C1orf21: variants seen among roughly 807,000 people sequenced by gnomAD.
C1orf21 encodes uncharacterized protein C1orf21.
A neutral mutation model predicts 18.7 loss-of-function variants in C1orf21; 3 were observed. The observed-to-expected ratio is 0.16, with a 90% CI of 0.07 to 0.42. C1orf21 has a LOEUF of 0.42. Ranked by LOEUF, C1orf21 falls within the 10% of genes least tolerant of loss-of-function variation. The pLI is 0.99. For synonymous variants in C1orf21, 41 were observed against 46.4 expected, an observed-to-expected ratio of 0.88 and a Z score of 0.47; for missense variants, 104 against 143.6, an observed-to-expected ratio of 0.72 and a Z score of 1.41.
At chr1:184,403,001 A>G (rs1398792691) in intron 1 of C1orf21, among the ~76,000 whole-genome samples, 1 of 152,218 alleles carries the variant, frequency 6.6e-6, no homozygotes, top group Non-Finnish European at 1.5e-5. Flanking sequence ...AGCAGAATAA[A>G]GGAGTAGGGC....
At chr1:184,574,698 G>A (rs940920155) in intron 3 of C1orf21, among the ~76,000 whole-genome samples, 1 of 152,186 alleles carries the variant, frequency 6.6e-6, no homozygotes, top group African/African-American at 2.4e-5. Flanking sequence ...GCAGGACCTA[G>A]GGCGTGAAAA....
intron 1 of C1orf21, among the ~76,000 whole-genome samples, chr1:184,455,534 A>G (rs1657185584): frequency 6.6e-6 from 1 of 151,804 alleles, no homozygotes; most frequent in African/African-American, 2.4e-5. Flanking sequence ...CAAATCAGGG[A>G]CTCTCCTTTT....
intron 2 of C1orf21, 95 bp from the exon 3 acceptor site, chr1:184,507,493 G>A (rs1658081324): frequency 9.8e-7 from 1 of 1,024,302 alleles, no homozygotes; most frequent in Non-Finnish European, 1.4e-6. Context: ...CAGGTGAAAG[G>A]GTCTAGCAAA....
At chr1:184,591,407 C>A (rs17255321) in intron 4 of C1orf21, among the ~76,000 whole-genome samples, 11,314 of 152,204 alleles carry the variant, frequency 0.074, 668 homozygotes, top group African/African-American at 0.16. Flanking sequence ...AAGAATTTTG[C>A]ATATAAGACA....
At chr1:184,494,478 G>C (rs1356963941) in intron 2 of C1orf21, among the ~76,000 whole-genome samples, 3 of 152,192 alleles carry the variant, frequency 2.0e-5, no homozygotes, top group African/African-American at 7.2e-5. Context: ...TTAGAGTCTT[G>C]CTCAGTAGTC....
At chr1:184,519,564 G>A (rs1378809745) in intron 3 of C1orf21, among the ~76,000 whole-genome samples, 3 of 152,124 alleles carry the variant, frequency 2.0e-5, no homozygotes, top group African/African-American at 4.8e-5. Context: ...AATTGAGAGG[G>A]CCACCTTTAA....
intron 1 of C1orf21, among the ~76,000 whole-genome samples, chr1:184,439,224 A>G (rs1337807319): frequency 1.3e-5 from 2 of 152,024 alleles, no homozygotes; most frequent in Non-Finnish European, 2.9e-5. Context: ...GAAAAAAACC[A>G]AAACCAAAAC....
chr1:184,551,653 G>A (rs979501416), intron 3 of C1orf21, among the ~76,000 whole-genome samples: 5 of 152,276 alleles, frequency 3.3e-5, no homozygotes, highest in Admixed American at 1.3e-4. Context: ...CCAATCTACC[G>A]TGTTTGGCAA....
At chr1:184,587,121 T>C (rs1222840602) in intron 3 of C1orf21, among the ~76,000 whole-genome samples, 2 of 152,210 alleles carry the variant, frequency 1.3e-5, no homozygotes, top group Non-Finnish European at 2.9e-5. Flanking sequence ...CTGGGTTCTC[T>C]GTTTTGTTCC....
chr1:184,619,219 G>A (rs1218273062), intron 5 of C1orf21, among the ~76,000 whole-genome samples: 1 of 152,100 alleles, frequency 6.6e-6, no homozygotes, highest in Non-Finnish European at 1.5e-5. Flanking sequence ...TTGGCCATTT[G>A]GTAATTTCTT....
In C1orf21 at chr1:184,426,010, C is replaced by T. The variant is rs143323234; in HGVS notation, c.-125+38642C>T. On this transcript the variant is annotated intron_variant, in intron 1 of 5. Transcript: ENST00000235307. ...GGTCTTTGATATTGGCCATCCCACC[C>T]AGATTTATGTACTCAGCAGCTCTGC... 1.6e-4 allele frequency among the ~76,000 whole-genome samples: 25 copies of T among 152,324 alleles called. No homozygotes were observed. In the East Asian group the frequency reaches 4.4e-3, roughly 27 times the overall value.
intron 1 of C1orf21, among the ~76,000 whole-genome samples, chr1:184,451,462 ATTTTTTTTTT>A (rs374550435): frequency 2.6e-5 from 2 of 77,794 alleles, no homozygotes; most frequent in African/African-American, 4.9e-5. Context: ...GGCTAATTTA[ATTTTTTTTTT>A]TTTTTTTTTT....
At chr1:184,498,418 T>C (rs1009563272) in intron 2 of C1orf21, among the ~76,000 whole-genome samples, 5 of 152,196 alleles carry the variant, frequency 3.3e-5, no homozygotes, top group African/African-American at 9.7e-5. Context: ...TTTGGCCAAA[T>C]TGTTAAATGT....
intron 2 of C1orf21, among the ~76,000 whole-genome samples, chr1:184,497,294 C>G (rs1008656939): frequency 1.3e-5 from 2 of 152,162 alleles, no homozygotes; most frequent in South Asian, 2.1e-4. Flanking sequence ...AGACATTATT[C>G]CTAAAGAGCT....
At position 184,387,249 on chromosome 1, in the gene C1orf21, C is replaced by G. The variant is rs952605570; in HGVS notation, c.-244C>G. 2 of 151,694 alleles carry G rather than the reference C, an allele frequency of 1.3e-5. No homozygotes were observed. Among genetic ancestry groups the G allele is most frequent in the African/African-American group, 4.9e-5 (2 of 40,996 alleles). 9.4% of individuals were successfully genotyped at this position (151,694 alleles called of 1,614,324 possible). A position where few individuals can be genotyped will look rare whatever the true frequency, so the allele number is the denominator to read the frequency against. ...CCAAGCGGCGGGGAGGAGGGGGAGCCCCGGACACACTGTGGGGAGGAGGAG... is the reference window on the plus strand; with the variant it reads ...CCAAGCGGCGGGGAGGAGGGGGAGCGCCGGACACACTGTGGGGAGGAGGAG... On this transcript the variant is annotated 5_prime_UTR_variant, in exon 1 of 6. Coordinates refer to ENST00000235307, the MANE Select transcript of C1orf21 (RefSeq NM_030806.4). The surrounding 1 kb of genome is among the most constrained non-coding windows in gnomAD (Gnocchi z 5.6).
At chr1:184,572,278 T>G (rs1659123013) in intron 3 of C1orf21, among the ~76,000 whole-genome samples, 1 of 152,204 alleles carries the variant, frequency 6.6e-6, no homozygotes, top group Non-Finnish European at 1.5e-5. Context: ...TAAGCATGAT[T>G]GTGTCTGTAT....
intron 2 of C1orf21, among the ~76,000 whole-genome samples, chr1:184,479,295 T>C (rs1238424184): frequency 6.6e-6 from 1 of 152,222 alleles, no homozygotes; most frequent in African/African-American, 2.4e-5. Flanking sequence ...GAGAAAATAA[T>C]CTAACATCAG....
At chr1:184,563,194 C>G (rs1658990230) in intron 3 of C1orf21, among the ~76,000 whole-genome samples, 1 of 152,202 alleles carries the variant, frequency 6.6e-6, no homozygotes, top group Non-Finnish European at 1.5e-5. Flanking sequence ...CAATAATGCT[C>G]TAGAGACACT....
rs1659211395 is a variant in C1orf21, at chr1:184,577,571, C to G, written c.190-13168C>G. On this transcript the variant is annotated intron_variant, in intron 3 of 5. Coordinates refer to ENST00000235307, the MANE Select transcript of C1orf21 (RefSeq NM_030806.4). ...CCAGCTTGTTCAGGAAGGCTGGAGT[C>G]TGATTTTAATTTTTGGCTGGCTTCT... Among the ~76,000 whole-genome samples, 4 of 152,056 alleles carry G rather than the reference C, an allele frequency of 2.6e-5. 1 individual carries two copies. The highest frequency in any genetic ancestry group is 2.0e-4 in the Admixed American group (3 of 15,280).
Sources: gnomAD v4.1 joint callset for allele counts (sites outside exome capture counted in the v4.1 genomes callset) on GRCh38, gnomAD v4.1.1 for gene constraint, Gnocchi (gnomAD v3.1) non-coding constraint, MANE v1.5 for transcripts, NCBI Gene and HGNC (gene_info 2026-07-23, HGNC 2026-07-21) for gene names.